Variants in PIK3R6 observed in about 807,000 individuals in gnomAD.
PIK3R6 encodes the protein phosphoinositide-3-kinase regulatory subunit 6.
A neutral mutation model predicts 84.9 loss-of-function variants in PIK3R6; 91 were observed. The observed-to-expected ratio is 1.07, with a 90% CI of 0.90 to 1.28. The LOEUF (loss-of-function observed/expected upper bound fraction) is 1.28, where lower values mean the gene tolerates loss of function less well. Among genes scored for constraint, PIK3R6 ranks in the 50% most tolerant of loss-of-function variants. The probability of loss-of-function intolerance (pLI) is 0.00; values close to 1 mark genes in which losing one functional copy is unlikely to be tolerated. For synonymous variants in PIK3R6, 416 were observed against 411.4 expected (o/e 1.01, Z -0.13); for missense variants, 996 against 985.1 (o/e 1.01, Z -0.15).
chr17:8,841,480 G>C (rs921279986), intron 2 of PIK3R6, among the ~76,000 whole-genome samples: 2 of 152,184 alleles, frequency 1.3e-5, no homozygotes, highest in Non-Finnish European at 2.9e-5. Context: ...TGTTAGCTCA[G>C]TTTAGCAAGA....
rs1401417817 is a variant in PIK3R6 at position 8,827,756 on chromosome 17, AGAGAGAG to A, written c.1392+349_1392+355del. On this transcript the variant is annotated intron_variant, in intron 12 of 19. Transcript: ENST00000619866. ...GGGAGGGAAGGGGAGAGAGAGAGAG[AGAGAGAG>A]GAGAGAGAGAGAGAGAGAGAGAGAG... 9.2e-4 allele frequency among the ~76,000 whole-genome samples: 64 copies of A among 69,314 alleles called. 1 individual carries two copies. The highest frequency in any genetic ancestry group is 2.7e-3 in the African/African-American group (33 of 12,176). 45.5% of individuals were successfully genotyped at this position (69,314 alleles called of 152,430 possible).
At chr17:8,836,984 GGAGGTGAAGGGT>G in intron 5 of PIK3R6, 61 bp from the exon 6 acceptor site, 1 of 1,192,680 alleles carries the variant, frequency 8.4e-7, no homozygotes, top group Non-Finnish European at 1.2e-6. Flanking sequence ...GGGAGGAGGG[GGAGGTGAAGGGT>G]CCCGGGGGAG....
At chr17:8,826,212 G>A (rs558369924) in intron 13 of PIK3R6, among the ~76,000 whole-genome samples, 1 of 152,360 alleles carries the variant, frequency 6.6e-6, no homozygotes, top group East Asian at 1.9e-4. Flanking sequence ...AATTAAATGA[G>A]CTGCCCTGTG....
chr17:8,847,636 A>G (rs2088843974), intron 2 of PIK3R6, among the ~76,000 whole-genome samples: 1 of 152,090 alleles, frequency 6.6e-6, no homozygotes, highest in African/African-American at 2.4e-5. Context: ...CCCCGTCTCT[A>G]CTAAAAATAC....
At chr17:8,825,228 G>C (rs1215790297) in intron 13 of PIK3R6, among the ~76,000 whole-genome samples, 5 of 152,134 alleles carry the variant, frequency 3.3e-5, no homozygotes, top group Non-Finnish European at 7.4e-5. Flanking sequence ...CATGCTCCTA[G>C]AGAGAAAAAC....
intron 18 of PIK3R6, among the ~76,000 whole-genome samples, chr17:8,807,888 G>C (rs768390003): frequency 6.6e-6 from 1 of 152,188 alleles, no homozygotes; most frequent in Non-Finnish European, 1.5e-5. Context: ...GCTGGAAGGA[G>C]ATAGATGAAG....
intron 10 of PIK3R6, among the ~76,000 whole-genome samples, chr17:8,829,194 C>T (rs896047975): frequency 1.1e-4 from 16 of 139,644 alleles, no homozygotes; most frequent in Non-Finnish European, 2.3e-4. Flanking sequence ...GACAGACATA[C>T]ACACACGTGC....
chr17:8,849,363 C>G (rs1441519403), intron 2 of PIK3R6, among the ~76,000 whole-genome samples: 2 of 152,226 alleles, frequency 1.3e-5, no homozygotes, highest in East Asian at 3.8e-4. Flanking sequence ...GTACCTGCCC[C>G]TGGCATGCCT....
rs2088060386 is a variant in PIK3R6 at position 8,828,981 on chromosome 17, A to G, written c.899T>C (p.Leu300Pro). The change falls in exon 11 of 20, where the codon CTG becomes CCG. Residue 300 changes from leucine (L) to proline (P), a missense_variant. Leu to Pro is a moderately conservative substitution (Grantham distance 98). Coordinates refer to ENST00000619866, the MANE Select transcript of PIK3R6 (RefSeq NM_001010855.4). ...GGATCTTGGGCGGAGGAAGAGCACC[A>G]GTTCCTTCCCTGGGGTGGGGGAACA... is the stretch of plus-strand genomic sequence containing the variant. ...WTGEEQLWKE[L>P]VLFLRPRSQL... 6.7e-7 allele frequency: 1 copy of G among 1,497,944 alleles called. No homozygotes were observed. The highest frequency in any genetic ancestry group is 1.4e-5 in the South Asian group (1 of 73,316). 92.8% of individuals were successfully genotyped at this position (1,497,944 alleles called of 1,614,324 possible). A position where few individuals can be genotyped will look rare whatever the true frequency, so the allele number is the denominator to read the frequency against.
intron 2 of PIK3R6, among the ~76,000 whole-genome samples, chr17:8,846,250 T>C (rs2088812796): frequency 6.6e-6 from 1 of 152,244 alleles, no homozygotes; most frequent in Non-Finnish European, 1.5e-5. Flanking sequence ...TTGTCAACTT[T>C]GTCAAAGATC....
intron 18 of PIK3R6, among the ~76,000 whole-genome samples, chr17:8,804,476 C>A (rs1374668111): frequency 6.6e-6 from 1 of 152,156 alleles, no homozygotes; most frequent in African/African-American, 2.4e-5. Flanking sequence ...ATTTTCCGAG[C>A]ACCTCCTCTA....
chr17:8,864,728 G>A (rs962635059), intron 1 of PIK3R6, among the ~76,000 whole-genome samples: 8 of 151,572 alleles, frequency 5.3e-5, no homozygotes, highest in South Asian at 2.1e-4. Context: ...TAGTAGAGAC[G>A]GGGTTTCACC....
At chr17:8,831,811 C>T (rs2088251279) in intron 9 of PIK3R6, among the ~76,000 whole-genome samples, 1 of 152,150 alleles carries the variant, frequency 6.6e-6, no homozygotes, top group South Asian at 2.1e-4. Context: ...TGAATGACCA[C>T]GAAATAGGAC....
chr17:8,863,680 G>A (rs1347765197), intron 1 of PIK3R6, among the ~76,000 whole-genome samples: 1 of 152,098 alleles, frequency 6.6e-6, no homozygotes, highest in African/African-American at 2.4e-5. Flanking sequence ...GACTACAGGT[G>A]CACACCACCA....
chr17:8,841,421 C>A (rs1431849597), intron 2 of PIK3R6, among the ~76,000 whole-genome samples: 1 of 152,176 alleles, frequency 6.6e-6, no homozygotes, highest in Non-Finnish European at 1.5e-5. Flanking sequence ...CCCCTTCATC[C>A]CTTACCGTCG....
rs915841280 is a variant in PIK3R6 at position 8,833,590 on chromosome 17, G to A, written c.646-545C>T. Among the ~76,000 whole-genome samples, 10 of 146,774 alleles carry A rather than the reference G, an allele frequency of 6.8e-5. 1 individual carries two copies. The East Asian group carries it at 2.0e-3, about 29-fold the overall frequency. ...GGAGTCTTGCTCTGTCACCCAGGCT[G>A]GAGTGCAGTGGTGTGACTTTGGCTC... On this transcript the variant is annotated intron_variant, in intron 8 of 19. Transcript: ENST00000619866.
In PIK3R6 at chr17:8,832,761, A is replaced by G; in HGVS notation, c.802+128T>C. 5 of 1,416,138 alleles carry G rather than the reference A, an allele frequency of 3.5e-6. No homozygotes were observed. The South Asian group carries it at 6.4e-5, about 18-fold the overall frequency. 87.7% of individuals were successfully genotyped at this position (1,416,138 alleles called of 1,614,324 possible). A position where few individuals can be genotyped will look rare whatever the true frequency, so the allele number is the denominator to read the frequency against. On this transcript the variant is annotated intron_variant, in intron 9 of 19. Coordinates refer to ENST00000619866, the MANE Select transcript of PIK3R6 (RefSeq NM_001010855.4). ...AACCCCCAGGCTGCCCCCAGTCCCC[A>G]GGCTCCTGGGAGTCGGCCAGGCACC... is the stretch of plus-strand genomic sequence containing the variant.
chr17:8,847,416 C>A (rs900391153), intron 2 of PIK3R6, among the ~76,000 whole-genome samples: 3 of 152,176 alleles, frequency 2.0e-5, no homozygotes, highest in Non-Finnish European at 1.5e-5. Context: ...CTTTTGCATA[C>A]CCTGAAATAA....
chr17:8,854,097 T>C (rs2089058750), intron 1 of PIK3R6, among the ~76,000 whole-genome samples: 1 of 152,088 alleles, frequency 6.6e-6, no homozygotes, highest in Admixed American at 6.6e-5. Flanking sequence ...GGCAGAGGAA[T>C]TGGATTAGCC....
Sources: allele counts gnomAD v4.1 joint callset (sites outside exome capture counted in the v4.1 genomes callset), GRCh38; gene constraint gnomAD v4.1.1; transcripts MANE v1.5; gene names NCBI Gene and HGNC (gene_info 2026-07-23, HGNC 2026-07-21).